ZNF83: variants seen among roughly 807,000 people sequenced by gnomAD.
The protein encoded by ZNF83 is zinc finger protein 816B.
For missense variants in ZNF83, 552 were observed against 629.9 expected (o/e 0.88, Z 1.32); for synonymous variants, 209 against 213.0 (o/e 0.98, Z 0.17).
intron 2 of ZNF83, among the ~76,000 whole-genome samples, chr19:52,660,412 G>T (rs1029484221): frequency 6.7e-6 from 1 of 148,226 alleles, no homozygotes; most frequent in African/African-American, 2.6e-5. Context: ...TGAAGTCAGG[G>T]ATTTGAGACC....
intron 2 of ZNF83, among the ~76,000 whole-genome samples, chr19:52,630,388 G>T (rs2060910293): frequency 6.6e-6 from 1 of 152,140 alleles, no homozygotes; most frequent in Non-Finnish European, 1.5e-5. Flanking sequence ...TCAAGGGCCT[G>T]TTTCTCTTGC....
intron 1 of ZNF83, among the ~76,000 whole-genome samples, chr19:52,678,483 T>C (rs1005913382): frequency 6.8e-6 from 1 of 147,896 alleles, no homozygotes; most frequent in Admixed American, 6.7e-5. Flanking sequence ...AAAAAAAAAC[T>C]GGAGGGTAAA....
At chr19:52,624,039 C>T (rs1235121020) in intron 2 of ZNF83, among the ~76,000 whole-genome samples, 8 of 152,118 alleles carry the variant, frequency 5.3e-5, no homozygotes, top group Admixed American at 5.2e-4. Flanking sequence ...TTGCTTTTAC[C>T]TGGACTGACA....
Position 52,629,254 on chromosome 19 carries a change from CG to C in ZNF83, c.-234+5811del, listed in dbSNP as rs1368783984. ...TAATTCTTGTCATAAAATAAGCAAACGGTCTGAGGTGCCTGACATCCAGGCA... is the reference window on the plus strand; with the variant it reads ...TAATTCTTGTCATAAAATAAGCAAACGTCTGAGGTGCCTGACATCCAGGCA... On this transcript the variant is annotated intron_variant, in intron 2 of 2. Coordinates refer to ENST00000301096, the Ensembl canonical transcript of ZNF83. 6.6e-5 allele frequency among the ~76,000 whole-genome samples: 10 copies of C among 152,164 alleles called. 1 individual carries two copies. The highest frequency in any genetic ancestry group is 2.4e-4 in the African/African-American group (10 of 41,432).
At chr19:52,627,358 A>AT (rs1006310889) in intron 2 of ZNF83, among the ~76,000 whole-genome samples, 3 of 142,832 alleles carry the variant, frequency 2.1e-5, no homozygotes, top group African/African-American at 5.2e-5. Flanking sequence ...AAGGAGAGGC[A>AT]TAAAAAAGAA....
chr19:52,680,855 G>A (rs12978126), intron 1 of ZNF83, among the ~76,000 whole-genome samples: 9,598 of 148,740 alleles, frequency 0.065, 377 homozygotes, highest in Non-Finnish European at 0.091. Flanking sequence ...CTCGTGATCC[G>A]CCCGCCTCGG....
At chr19:52,683,063 G>A (rs1301516703) in intron 1 of ZNF83, among the ~76,000 whole-genome samples, 1 of 90,722 alleles carries the variant, frequency 1.1e-5, no homozygotes, top group Non-Finnish European at 2.1e-5. Context: ...TAGAGATGAG[G>A]TTTCACCATG....
chr19:52,645,058 T>C (rs1232674648), intron 3 of ZNF83, among the ~76,000 whole-genome samples: 1 of 150,184 alleles, frequency 6.7e-6, no homozygotes, highest in Non-Finnish European at 1.5e-5. Context: ...CAGCGTTCCG[T>C]GCCAATCCAA....
chr19:52,613,079 C>G (rs191070309), exon 3 of ZNF83: 1 of 1,612,818 alleles, frequency 6.2e-7, no homozygotes, highest in African/African-American at 1.3e-5. Flanking sequence ...TATGAATTGT[C>G]GCGGAAGAGT....
At chr19:52,637,442 C>G (rs1022293523) in intron 1 of ZNF83, among the ~76,000 whole-genome samples, 1 of 152,136 alleles carries the variant, frequency 6.6e-6, no homozygotes, top group African/African-American at 2.4e-5. Context: ...TCTTTGCTGC[C>G]CCTCTCCCTA....
chr19:52,637,179 CT>C (rs991041617), intron 1 of ZNF83: 3 of 152,422 alleles, frequency 2.0e-5, no homozygotes, highest in Non-Finnish European at 4.4e-5. Context: ...GCTGTTCCTT[CT>C]CCCCAATCGT....
chr19:52,618,557 T>C (rs111525207), intron 2 of ZNF83: 81,043 of 214,824 alleles, frequency 0.38, 15,724 homozygotes, highest in Middle Eastern at 0.46. Flanking sequence ...CCACCGCGCC[T>C]GGCCAATTTT....
At chr19:52,654,144 C>T in intron 3 of ZNF83, 1 of 1,605,844 alleles carries the variant, frequency 6.2e-7, no homozygotes, top group Non-Finnish European at 8.5e-7. Flanking sequence ...CTTTAATAGG[C>T]TTGTTTCCAG....
At chr19:52,643,122 G>A (rs925591628), upstream of ZNF83, among the ~76,000 whole-genome samples, 2 of 152,098 alleles carry the variant, frequency 1.3e-5, no homozygotes, top group Non-Finnish European at 2.9e-5. Context: ...AGGTTGTAGT[G>A]AGCCGAAATC....
chr19:52,624,785 C>T (rs1269879699), intron 2 of ZNF83, among the ~76,000 whole-genome samples: 2 of 152,194 alleles, frequency 1.3e-5, no homozygotes, highest in Non-Finnish European at 2.9e-5. Context: ...CTTTTAGAGG[C>T]CCTCAAAGTC....
At chr19:52,662,487 G>A (rs556261754) in intron 1 of ZNF83, among the ~76,000 whole-genome samples, 1 of 152,232 alleles carries the variant, frequency 6.6e-6, no homozygotes, top group Non-Finnish European at 1.5e-5. Context: ...GAAGGGCAGT[G>A]GGTGTGGACA....
chr19:52,685,399 G>A (rs1003702921), intron 1 of ZNF83, among the ~76,000 whole-genome samples: 2 of 152,134 alleles, frequency 1.3e-5, no homozygotes, highest in African/African-American at 4.8e-5. Context: ...GAAAATTACA[G>A]AAGCATCTTT....
chr19:52,683,843 C>A (rs1332954614), intron 1 of ZNF83, among the ~76,000 whole-genome samples: 1 of 152,170 alleles, frequency 6.6e-6, no homozygotes, highest in Non-Finnish European at 1.5e-5. Context: ...ATCTAAACTG[C>A]AACCCCAGAG....
At chr19:52,678,051 AAAAAC>A (rs2061846745) in intron 1 of ZNF83, among the ~76,000 whole-genome samples, 1 of 150,796 alleles carries the variant, frequency 6.6e-6, no homozygotes, top group African/African-American at 2.5e-5. Context: ...AAACAAAACA[AAAAAC>A]AAAACAAAAC....
Sources: gnomAD v4.1 joint callset for allele counts (sites outside exome capture counted in the v4.1 genomes callset) on GRCh38, gnomAD v4.1.1 for gene constraint, MANE v1.5 for transcripts, NCBI Gene and HGNC (gene_info 2026-07-23, HGNC 2026-07-21) for gene names.